GALNTL6: variants seen among roughly 807,000 people sequenced by gnomAD.
GALNTL6 encodes polypeptide N-acetylgalactosaminyltransferase like 6.
GALNTL6 carries 46 observed loss-of-function variants against 73.7 expected under a neutral mutation model. The observed-to-expected ratio is 0.62, with a 90% CI of 0.49 to 0.80. The LOEUF (loss-of-function observed/expected upper bound fraction) is 0.80, where lower values mean the gene tolerates loss of function less well. Ranked by LOEUF, GALNTL6 falls within the 30% of genes least tolerant of loss-of-function variation. The pLI is 0.00. For missense variants in GALNTL6, 604 were observed against 755.0 expected, an observed-to-expected ratio of 0.80 and a Z score of 2.34; for synonymous variants, 259 against 263.7, an observed-to-expected ratio of 0.98 and a Z score of 0.17.
chr4:172,677,402 T>C (rs1211715339), intron 5 of GALNTL6, among the ~76,000 whole-genome samples: 1 of 152,084 alleles, frequency 6.6e-6, no homozygotes, highest in African/African-American at 2.4e-5. Flanking sequence ...TGGAGAAAGA[T>C]AAAAGGGGAG....
At chr4:172,968,691 T>C (rs184041317) in intron 10 of GALNTL6, among the ~76,000 whole-genome samples, 201 of 152,270 alleles carry the variant, frequency 1.3e-3, no homozygotes, top group Admixed American at 3.2e-3. Context: ...GAAAGACCTT[T>C]AGAACTCTAG....
intron 5 of GALNTL6, among the ~76,000 whole-genome samples, chr4:172,479,210 G>A (rs2111478110): frequency 1.3e-5 from 2 of 152,166 alleles, no homozygotes; most frequent in East Asian, 3.9e-4. Flanking sequence ...AAAGACACCT[G>A]CACTCATGTG....
chr4:172,959,634 C>A (rs1451772188), intron 10 of GALNTL6, among the ~76,000 whole-genome samples: 1 of 151,986 alleles, frequency 6.6e-6, no homozygotes. Context: ...CGTCAGTCTT[C>A]AGCCGCTAAG....
intron 5 of GALNTL6, among the ~76,000 whole-genome samples, chr4:172,634,593 GAGT>G (rs1313045416): frequency 6.6e-6 from 1 of 152,056 alleles, no homozygotes; most frequent in Non-Finnish European, 1.5e-5. Context: ...ATATAGCAAA[GAGT>G]AGAAAATCTT....
intron 5 of GALNTL6, among the ~76,000 whole-genome samples, chr4:172,646,037 A>G (rs1472388455): frequency 6.6e-6 from 1 of 152,056 alleles, no homozygotes; most frequent in Non-Finnish European, 1.5e-5. Context: ...GTTTGCTCAC[A>G]TGCCAAGGTG....
intron 3 of GALNTL6, among the ~76,000 whole-genome samples, chr4:172,298,907 T>C (rs955443204): frequency 6.6e-6 from 1 of 152,214 alleles, no homozygotes; most frequent in Non-Finnish European, 1.5e-5. Flanking sequence ...GGATTCCCTC[T>C]TTTTCTATTG....
intron 2 of GALNTL6, among the ~76,000 whole-genome samples, chr4:172,015,170 A>G (rs1741146522): frequency 6.6e-6 from 1 of 151,944 alleles, no homozygotes; most frequent in African/African-American, 2.4e-5. Context: ...CTCCACTATT[A>G]TTGTGGTGCC....
chr4:171,877,243 C>T (rs555930238), intron 2 of GALNTL6, among the ~76,000 whole-genome samples: 56 of 152,238 alleles, frequency 3.7e-4, no homozygotes, highest in African/African-American at 1.2e-3. Context: ...AGTGTGGCTA[C>T]GAATTACCCC....
intron 5 of GALNTL6, among the ~76,000 whole-genome samples, chr4:172,373,589 G>T (rs1359077821): frequency 1.3e-5 from 2 of 152,278 alleles, no homozygotes; most frequent in Non-Finnish European, 2.9e-5. Flanking sequence ...GCCTGATTTG[G>T]ACTGGGTGGG....
In GALNTL6 at chr4:172,777,549, A is replaced by G. The variant is rs141298499; in HGVS notation, c.554-31812A>G. Among the ~76,000 whole-genome samples, 283 of 152,330 alleles carry G rather than the reference A, an allele frequency of 1.9e-3. 1 individual carries two copies. The highest frequency in any genetic ancestry group is 6.3e-3 in the African/African-American group (262 of 41,586). On this transcript the variant is annotated intron_variant, in intron 5 of 12. Transcript: ENST00000506823. ...ACACATACCTCACAGAGTTGTTTGA[A>G]AGCTGAAATGAGAAAACATACTTTG...
chr4:172,450,627 T>G (rs1732175865), intron 5 of GALNTL6, among the ~76,000 whole-genome samples: 1 of 152,246 alleles, frequency 6.6e-6, no homozygotes, highest in African/African-American at 2.4e-5. Flanking sequence ...GGCCATTGCC[T>G]GTGAGTTCCT....
At chr4:172,108,722 T>C (rs1460843310) in intron 2 of GALNTL6, among the ~76,000 whole-genome samples, 1 of 151,846 alleles carries the variant, frequency 6.6e-6, no homozygotes, top group Non-Finnish European at 1.5e-5. Flanking sequence ...GGAGGTGCAA[T>C]AGAAATTTGA....
At chr4:172,614,833 A>G (rs997757148) in intron 5 of GALNTL6, among the ~76,000 whole-genome samples, 4 of 152,152 alleles carry the variant, frequency 2.6e-5, no homozygotes, top group African/African-American at 7.2e-5. Context: ...TTCTGCTTAT[A>G]TTAGAATTCT....
chr4:172,476,561 TG>T (rs551173220), intron 5 of GALNTL6, among the ~76,000 whole-genome samples: 94 of 152,356 alleles, frequency 6.2e-4, no homozygotes, highest in African/African-American at 2.1e-3. Context: ...AAAAACCTGC[TG>T]GATAGGCTTT....
At chr4:172,876,280 AAT>A (rs1477879857) in intron 7 of GALNTL6, among the ~76,000 whole-genome samples, 2 of 152,144 alleles carry the variant, frequency 1.3e-5, no homozygotes, top group Non-Finnish European at 2.9e-5. Flanking sequence ...AATAGCACAA[AAT>A]TTGTACCATG....
chr4:172,576,381 A>G (rs1315002584), intron 5 of GALNTL6, among the ~76,000 whole-genome samples: 2 of 152,204 alleles, frequency 1.3e-5, no homozygotes, highest in Non-Finnish European at 2.9e-5. Flanking sequence ...TATAAATGAC[A>G]AAAGAATGAC....
At chr4:171,943,296 A>G (rs949888921) in intron 2 of GALNTL6, among the ~76,000 whole-genome samples, 1 of 152,190 alleles carries the variant, frequency 6.6e-6, no homozygotes, top group South Asian at 2.1e-4. Context: ...TAGTTTCTGA[A>G]AGATTCCCCT....
intron 3 of GALNTL6, among the ~76,000 whole-genome samples, chr4:172,234,743 T>C (rs1737183384): frequency 6.6e-6 from 1 of 152,196 alleles, no homozygotes; most frequent in African/African-American, 2.4e-5. Flanking sequence ...GAATTAATAT[T>C]GGCCCCAAAT....
chr4:172,707,408 A>G (rs1579370342), intron 5 of GALNTL6, among the ~76,000 whole-genome samples: 1 of 152,318 alleles, frequency 6.6e-6, no homozygotes, highest in African/African-American at 2.4e-5. Context: ...TAGTCCTGCC[A>G]CTAATATGCA....
Sources: allele counts gnomAD v4.1 joint callset (sites outside exome capture counted in the v4.1 genomes callset), GRCh38; gene constraint gnomAD v4.1.1; transcripts MANE v1.5; gene names NCBI Gene and HGNC (gene_info 2026-07-23, HGNC 2026-07-21).